DLGAP1: variants seen among roughly 807,000 people sequenced by gnomAD.
DLGAP1 encodes disks large-associated protein 1.
Under a neutral mutation model 90.8 loss-of-function variants are expected in DLGAP1, and 11 were observed. That is an observed-to-expected ratio of 0.12 (90% CI 0.08 to 0.20). The LOEUF (loss-of-function observed/expected upper bound fraction) is 0.20, where lower values mean the gene tolerates loss of function less well. Among genes scored for constraint, DLGAP1 ranks in the 10% least tolerant of loss-of-function variants. The pLI is 1.00. For synonymous variants in DLGAP1, 558 were observed against 540.7 expected (o/e 1.03, Z -0.44); for missense variants, 1,050 against 1,333.8 (o/e 0.79, Z 3.31).
At chr18:3,528,567 T>C (rs2051796867) in intron 10 of DLGAP1, among the ~76,000 whole-genome samples, 1 of 152,202 alleles carries the variant, frequency 6.6e-6, no homozygotes, top group Admixed American at 6.5e-5. Context: ...TTCTGTGACC[T>C]TGGACAAGAT....
chr18:3,854,593 G>A (rs1430518429), intron 4 of DLGAP1, among the ~76,000 whole-genome samples: 1 of 152,210 alleles, frequency 6.6e-6, no homozygotes. Context: ...CTAGAGTTAG[G>A]TAGTGCACAA....
chr18:3,680,788 C>CAAAAAA (rs71160910), intron 7 of DLGAP1, among the ~76,000 whole-genome samples: 1 of 94,732 alleles, frequency 1.1e-5, no homozygotes, highest in African/African-American at 3.8e-5. Context: ...GACTCCGTCT[C>CAAAAAA]AAAAAAAAAA....
chr18:3,571,670 G>A (rs1366514055), intron 8 of DLGAP1, among the ~76,000 whole-genome samples: 10 of 151,578 alleles, frequency 6.6e-5, no homozygotes, highest in African/African-American at 2.2e-4. Flanking sequence ...TGTGACTGCA[G>A]GCGCGTCCAC....
At chr18:3,834,134 G>A (rs956173912) in intron 4 of DLGAP1, among the ~76,000 whole-genome samples, 2 of 151,706 alleles carry the variant, frequency 1.3e-5, no homozygotes, top group African/African-American at 2.4e-5. Context: ...GTGAAACTCC[G>A]TCTCTACTAA....
intron 1 of DLGAP1, among the ~76,000 whole-genome samples, chr18:4,380,245 T>C (rs2082088612): frequency 6.6e-6 from 1 of 152,144 alleles, no homozygotes; most frequent in Non-Finnish European, 1.5e-5. Context: ...AAAACGAATA[T>C]CATTACATTT....
At chr18:4,130,852 T>C (rs561096627) in intron 2 of DLGAP1, among the ~76,000 whole-genome samples, 214 of 152,194 alleles carry the variant, frequency 1.4e-3, no homozygotes, top group African/African-American at 4.8e-3. Flanking sequence ...AACCAGAGAA[T>C]GCCTAGCAAG....
At chr18:4,007,788 T>C (rs1451641681) in intron 2 of DLGAP1, among the ~76,000 whole-genome samples, 1 of 152,216 alleles carries the variant, frequency 6.6e-6, no homozygotes, top group Non-Finnish European at 1.5e-5. Flanking sequence ...TGGTGACTTA[T>C]GTCAAGGATT....
At chr18:3,772,346 C>CTTTCTT (rs1393398497) in intron 5 of DLGAP1, among the ~76,000 whole-genome samples, 1 of 14,216 alleles carries the variant, frequency 7.0e-5, no homozygotes, top group African/African-American at 2.4e-4. Flanking sequence ...CTCTCTCTCT[C>CTTTCTT]TCTTTCTTTC....
chr18:3,666,479 C>T (rs2059888805), intron 7 of DLGAP1, among the ~76,000 whole-genome samples: 1 of 152,128 alleles, frequency 6.6e-6, no homozygotes, highest in African/African-American at 2.4e-5. Flanking sequence ...GCTGTCATTA[C>T]GCCGCACAGA....
In DLGAP1 at chr18:4,275,452, T is replaced by G. The variant is rs1240041325; in HGVS notation, c.-266-124165A>C. The G allele has an allele frequency of 5.9e-4, 90 of 152,208 alleles. 2 individuals carry two copies. The highest frequency in any genetic ancestry group is 5.9e-3 in the Admixed American group (90 of 15,284). 9.4% of individuals were successfully genotyped at this position (152,208 alleles called of 1,614,324 possible). On this transcript the variant is annotated intron_variant, in intron 1 of 12. Transcript: ENST00000315677. ...TTTCTCCCACTGTTGGCAATCTTGA[T>G]CCTCTTACTCTAATATAAGTTTTTC...
intron 1 of DLGAP1, among the ~76,000 whole-genome samples, chr18:4,369,104 CA>C (rs2081854360): frequency 2.0e-5 from 3 of 152,168 alleles, no homozygotes; most frequent in African/African-American, 7.2e-5. Context: ...TCTAAGGTCA[CA>C]AAACCTCTGA....
At chr18:4,185,573 A>G (rs2077279222) in intron 1 of DLGAP1, among the ~76,000 whole-genome samples, 1 of 152,044 alleles carries the variant, frequency 6.6e-6, no homozygotes. Flanking sequence ...ATGTTCCTGT[A>G]AAGGACTTGA....
intron 9 of DLGAP1, among the ~76,000 whole-genome samples, chr18:3,561,740 GT>G (rs2054130616): frequency 1.3e-5 from 2 of 150,352 alleles, no homozygotes; most frequent in Admixed American, 1.3e-4. Flanking sequence ...AATTTTTTTC[GT>G]TTTTGAGTGT....
intron 1 of DLGAP1, among the ~76,000 whole-genome samples, chr18:4,247,477 T>C (rs760026446): frequency 1.3e-5 from 2 of 152,136 alleles, no homozygotes; most frequent in Non-Finnish European, 2.9e-5. Context: ...AAAAGTGTCC[T>C]TAAAAATGTT....
At chr18:4,078,605 C>G (rs1282709349) in intron 2 of DLGAP1, among the ~76,000 whole-genome samples, 3 of 152,120 alleles carry the variant, frequency 2.0e-5, no homozygotes, top group Non-Finnish European at 4.4e-5. Flanking sequence ...AAAAAATGAA[C>G]AAAGAGGTTC....
intron 4 of DLGAP1, among the ~76,000 whole-genome samples, chr18:3,822,990 T>C (rs1174792868): frequency 1.3e-5 from 2 of 152,170 alleles, no homozygotes; most frequent in Non-Finnish European, 2.9e-5. Context: ...AAGATTCTAG[T>C]ATGATGTAGG....
At chr18:3,792,450 ACT>A (rs1055896796) in intron 5 of DLGAP1, among the ~76,000 whole-genome samples, 1 of 150,004 alleles carries the variant, frequency 6.7e-6, no homozygotes, top group African/African-American at 2.5e-5. Flanking sequence ...ATACCACTGC[ACT>A]CCAGCGAGAC....
At chr18:3,992,181 C>T (rs573944048) in intron 3 of DLGAP1, among the ~76,000 whole-genome samples, 1 of 152,258 alleles carries the variant, frequency 6.6e-6, no homozygotes, top group South Asian at 2.1e-4. Context: ...TATTGGTCCC[C>T]TATTTTAATG....
intron 2 of DLGAP1, among the ~76,000 whole-genome samples, chr18:4,117,209 T>C (rs1261246727): frequency 6.6e-6 from 1 of 152,232 alleles, no homozygotes; most frequent in Non-Finnish European, 1.5e-5. Context: ...GCTTACATCT[T>C]GATCTTAGAC....
Sources: gnomAD v4.1 joint callset for allele counts (sites outside exome capture counted in the v4.1 genomes callset) on GRCh38, gnomAD v4.1.1 for gene constraint, MANE v1.5 for transcripts, NCBI Gene and HGNC (gene_info 2026-07-23, HGNC 2026-07-21) for gene names.